Variants in EXD3 observed in about 807,000 individuals in gnomAD.
EXD3 encodes the protein exonuclease mut-7 homolog.
EXD3 carries 92 observed loss-of-function variants against 98.0 expected under a neutral mutation model. That is an observed-to-expected ratio of 0.94 (90% CI 0.79 to 1.12). The LOEUF (loss-of-function observed/expected upper bound fraction) is 1.12. Among genes scored for constraint, EXD3 ranks in the 50% most tolerant of loss-of-function variants. The probability of loss-of-function intolerance (pLI) is 0.00; values close to 1 mark genes in which losing one functional copy is unlikely to be tolerated. For synonymous variants in EXD3, 569 were observed against 526.0 expected (o/e 1.08, Z -1.12); for missense variants, 1,222 against 1,191.6 (o/e 1.03, Z -0.38).
chr9:137,352,036 GGGC>G, intron 12 of EXD3, 27 bp downstream of exon 12: 1 of 1,589,014 alleles, frequency 6.3e-7, no homozygotes, highest in Non-Finnish European at 8.6e-7. Flanking sequence ...TCCCACCACC[GGGC>G]GCTGCCCCAG....
chr9:137,361,725 G>A (rs1405456285), intron 7 of EXD3, among the ~76,000 whole-genome samples: 4 of 133,098 alleles, frequency 3.0e-5, no homozygotes, highest in East Asian at 2.5e-4. Flanking sequence ...TAGCCTGGGC[G>A]ACAGGGCGAG....
intron 5 of EXD3, among the ~76,000 whole-genome samples, 176 bp from the exon 6 acceptor site, chr9:137,368,165 C>A (rs1323828511): frequency 6.7e-6 from 1 of 149,222 alleles, no homozygotes; most frequent in East Asian, 1.9e-4. Context: ...GGCAGACAAG[C>A]CCCCCCGTGC....
At chr9:137,383,217 T>C in intron 3 of EXD3, 96 bp downstream of exon 3, 1 of 1,052,190 alleles carries the variant, frequency 9.5e-7, no homozygotes, top group East Asian at 2.6e-5. Flanking sequence ...CTGTGCAGCT[T>C]CCTGACCAGG....
At chr9:137,376,343 C>CAAAAAAAAAA (rs765888922) in intron 3 of EXD3, among the ~76,000 whole-genome samples, 1 of 39,958 alleles carries the variant, frequency 2.5e-5, no homozygotes, top group Non-Finnish European at 5.0e-5. Flanking sequence ...GACTCTGTCT[C>CAAAAAAAAAA]AAAAAAAAAA....
chr9:137,329,568 T>C (rs1384104945), intron 17 of EXD3, among the ~76,000 whole-genome samples: 3 of 32,808 alleles, frequency 9.1e-5, no homozygotes, highest in Admixed American at 3.0e-4. Flanking sequence ...TACACGGGAC[T>C]ACACGGGGCT....
intron 19 of EXD3, among the ~76,000 whole-genome samples, chr9:137,319,125 A>G (rs1831883018): frequency 6.6e-6 from 1 of 152,202 alleles, no homozygotes; most frequent in Non-Finnish European, 1.5e-5. Context: ...CCTGTGACCA[A>G]GCCCAGAGCC....
chr9:137,331,264 A>G (rs1048936388), intron 17 of EXD3, among the ~76,000 whole-genome samples: 2 of 152,184 alleles, frequency 1.3e-5, no homozygotes, highest in Admixed American at 6.5e-5. Flanking sequence ...TCAAAATGAT[A>G]ATAGCCATAT....
rs867519517 is a variant in EXD3 at position 137,386,747 on chromosome 9, G to A, written c.56-3370C>T. On this transcript the variant is annotated intron_variant, in intron 2 of 21. Coordinates refer to ENST00000340951, the MANE Select transcript of EXD3 (RefSeq NM_017820.5). The stretch of plus-strand genomic sequence containing the variant: ...TTCTCGAGCACCCAGCAGCCTGCCC[G>A]GAAGCCCCCTCAGCACCCCTGCTCC... Among the ~76,000 whole-genome samples the A allele has an allele frequency of 1.4e-4, 21 of 151,292 alleles. No homozygotes were observed. The Middle Eastern group carries it at 0.01, about 75-fold the overall frequency.
intron 19 of EXD3, among the ~76,000 whole-genome samples, chr9:137,315,808 C>G (rs1438570318): frequency 1.3e-5 from 2 of 152,020 alleles, no homozygotes; most frequent in Non-Finnish European, 2.9e-5. Context: ...ACCCCACTCC[C>G]CGCCCAGACC....
Position 137,366,655 on chromosome 9 carries a change from G to A in EXD3, c.517-23C>T, listed in dbSNP as rs770260989. 40 of 1,546,212 alleles carry A rather than the reference G, an allele frequency of 2.6e-5. 1 individual carries two copies. In the African/African-American group the frequency reaches 4.8e-4, roughly 19 times the overall value. On this transcript the variant is annotated intron_variant, in intron 6 of 21. Transcript: ENST00000340951. The stretch of plus-strand genomic sequence containing the variant: ...CATCTGCAGGGGGACACACGGTCAG[G>A]CCACAGCCTCCGCCACCTCAGCCAA...
chr9:137,344,587 A>G (rs746965181), intron 17 of EXD3, among the ~76,000 whole-genome samples: 1 of 152,168 alleles, frequency 6.6e-6, no homozygotes, highest in Non-Finnish European at 1.5e-5. Context: ...TCCTGCACAG[A>G]TACACACTCA....
chr9:137,364,697 G>A (rs1286574861), intron 7 of EXD3, among the ~76,000 whole-genome samples: 5 of 151,286 alleles, frequency 3.3e-5, no homozygotes, highest in Admixed American at 1.3e-4. Context: ...CCCAGTTTCC[G>A]TGTATATTTC....
At chr9:137,362,192 G>T (rs1835024970) in intron 7 of EXD3, among the ~76,000 whole-genome samples, 1 of 152,112 alleles carries the variant, frequency 6.6e-6, no homozygotes, top group Non-Finnish European at 1.5e-5. Context: ...GATACCAAAA[G>T]TAAAAATATA....
rs567142726 is a variant in EXD3, at chr9:137,398,147, T to C, written c.-47-2743A>G. Among the ~76,000 whole-genome samples the C allele has an allele frequency of 2.6e-5, 4 of 152,160 alleles. No homozygotes were observed. In the East Asian group the frequency reaches 7.7e-4, roughly 29 times the overall value. ...ATGAGTCAGTGAATCTGAAAACAGA[T>C]CAAAGAAGGACCAGATTGAAAGAAC... is the stretch of plus-strand genomic sequence containing the variant. On this transcript the variant is annotated intron_variant, in intron 1 of 21. Transcript: ENST00000340951.
intron 17 of EXD3, among the ~76,000 whole-genome samples, chr9:137,333,329 C>T (rs574006386): frequency 1.3e-5 from 2 of 152,312 alleles, no homozygotes; most frequent in African/African-American, 2.4e-5. Flanking sequence ...AACTTGCAGA[C>T]GGCCTGGGTG....
At position 137,373,553 on chromosome 9, in the gene EXD3, AG is replaced by A; in HGVS notation, c.166del (p.Leu56TrpfsTer46). The A allele has an allele frequency of 6.2e-7, 1 of 1,603,810 alleles. No individual in the cohort carries two copies. The highest frequency in any genetic ancestry group is 8.5e-7 in the Non-Finnish European group (1 of 1,176,314). ...CTCCAGCATGTCCAGAAGCCCGGCCAGGGGGTCGTCCAAGGCAGCAAACCCC... is the reference window on the plus strand; with the variant it reads ...CTCCAGCATGTCCAGAAGCCCGGCCAGGGGTCGTCCAAGGCAGCAAACCCC... ...WRGFAALDDP[L>X]AGLLDMLESC... On this transcript the variant is annotated frameshift_variant, in exon 4 of 22. Coordinates refer to ENST00000340951, the MANE Select transcript of EXD3 (RefSeq NM_017820.5). LOFTEE classifies it high-confidence loss of function.
chr9:137,328,982 ACTACACGGGGCTACACGGGGCTACACGGG>A (rs1832724933), intron 17 of EXD3, among the ~76,000 whole-genome samples: 1 of 2,316 alleles, frequency 4.3e-4, no homozygotes, highest in Admixed American at 6.1e-3. Context: ...GCTACACGGG[ACTACACGGGGCTACACGGGGCTACACGGG>A]GCTACACGGG....
At chr9:137,318,698 G>T (rs1831852571) in intron 19 of EXD3, among the ~76,000 whole-genome samples, 2 of 152,236 alleles carry the variant, frequency 1.3e-5, no homozygotes, top group African/African-American at 4.8e-5. Context: ...TGGGCCGGTG[G>T]GCCATCCTCG....
intron 7 of EXD3, chr9:137,365,844 A>G: frequency 1.4e-5 from 5 of 356,588 alleles, no homozygotes; most frequent in South Asian, 1.0e-4. Context: ...ACACCTGCAC[A>G]AACGAACACA....
Sources: gnomAD v4.1 joint callset for allele counts (sites outside exome capture counted in the v4.1 genomes callset) on GRCh38, gnomAD v4.1.1 for gene constraint, MANE v1.5 for transcripts, NCBI Gene and HGNC (gene_info 2026-07-23, HGNC 2026-07-21) for gene names.